STK3: variants seen among roughly 807,000 people sequenced by gnomAD.
STK3 encodes serine/threonine kinase 3.
STK3 carries 41 observed loss-of-function variants against 58.0 expected under a neutral mutation model. The observed-to-expected ratio is 0.71, with a 90% CI of 0.55 to 0.92. The LOEUF (loss-of-function observed/expected upper bound fraction) is 0.92. Among genes scored for constraint, STK3 ranks in the 40% least tolerant of loss-of-function variants. STK3 has a pLI of 0.00. For missense variants in STK3, 479 were observed against 602.7 expected, an observed-to-expected ratio of 0.79 and a Z score of 2.15; for synonymous variants, 170 against 191.0, an observed-to-expected ratio of 0.89 and a Z score of 0.91.
rs536268747 is a variant in STK3 at position 98,756,253 on chromosome 8, G to C, written c.237-6863C>G. Among the ~76,000 whole-genome samples the C allele has an allele frequency of 2.6e-5, 4 of 152,128 alleles. No homozygotes were observed. In the East Asian group the frequency reaches 5.8e-4, roughly 22 times the overall value. On this transcript the variant is annotated intron_variant, in intron 3 of 10. Transcript: ENST00000419617. ...AGGACCTAATTTAGGACTCTCCAAGGGAATAATATTTAAGCTAAGATGCAA... is the reference window on the plus strand; with the variant it reads ...AGGACCTAATTTAGGACTCTCCAAGCGAATAATATTTAAGCTAAGATGCAA...
chr8:98,934,306 C>A (rs1421452577), intron 1 of STK3, among the ~76,000 whole-genome samples: 1 of 152,200 alleles, frequency 6.6e-6, no homozygotes, highest in African/African-American at 2.4e-5. Flanking sequence ...ACACCTAGTA[C>A]ATATCTGACA....
chr8:98,489,658 A>G (rs529262521), intron 10 of STK3, among the ~76,000 whole-genome samples: 1 of 152,230 alleles, frequency 6.6e-6, no homozygotes, highest in South Asian at 2.1e-4. Flanking sequence ...TTGTACCAAC[A>G]CCAAGATTCC....
intron 4 of STK3, among the ~76,000 whole-genome samples, chr8:98,711,358 C>CCCA (rs1358635694): frequency 3.9e-5 from 6 of 151,994 alleles, no homozygotes; most frequent in African/African-American, 1.4e-4. Context: ...GAAGTACGAA[C>CCCA]CCAGGCAAAG....
intron 6 of STK3, among the ~76,000 whole-genome samples, chr8:98,633,208 TAGA>T (rs1819386120): frequency 6.6e-6 from 1 of 152,128 alleles, no homozygotes; most frequent in Non-Finnish European, 1.5e-5. Flanking sequence ...AAGTAACACT[TAGA>T]AGAAGGCAGA....
chr8:98,928,298 A>C (rs747870752), intron 1 of STK3, among the ~76,000 whole-genome samples: 15 of 152,272 alleles, frequency 9.9e-5, no homozygotes, highest in Non-Finnish European at 2.1e-4. Context: ...CCTCACCAGG[A>C]GAAAATGTTT....
At chr8:98,394,114 C>T (rs1817874279) in intron 3 of STK3, among the ~76,000 whole-genome samples, 1 of 152,038 alleles carries the variant, frequency 6.6e-6, no homozygotes, top group Non-Finnish European at 1.5e-5. Context: ...TTGCTGTAGT[C>T]TCAGAACTCT....
rs1445050780 is a variant in STK3 at position 98,732,702 on chromosome 8, G to A, written c.351+16574C>T. ...GAGTCAAGTGAAAAGAAATTCTAAGGATACGGCTATAAAACAGACCTCAAA... is the reference window on the plus strand; with the variant it reads ...GAGTCAAGTGAAAAGAAATTCTAAGAATACGGCTATAAAACAGACCTCAAA... On this transcript the variant is annotated intron_variant, in intron 4 of 10. Coordinates refer to ENST00000419617, the MANE Select transcript of STK3 (RefSeq NM_006281.4). Among the ~76,000 whole-genome samples the A allele has an allele frequency of 2.6e-5, 4 of 151,880 alleles. No homozygotes were observed. In the East Asian group the frequency reaches 7.7e-4, roughly 29 times the overall value.
rs917096166 is a variant in STK3, at chr8:98,620,521, A to G, written c.685-24352T>C. ...AAATAAAAAGGTCAACATCAAAAAAAAAAAGAAGATGTCTCAAGGGAAATT... is the reference window on the plus strand; with the variant it reads ...AAATAAAAAGGTCAACATCAAAAAAGAAAAGAAGATGTCTCAAGGGAAATT... On this transcript the variant is annotated intron_variant, in intron 6 of 10. Transcript: ENST00000419617. Among the ~76,000 whole-genome samples the G allele has an allele frequency of 8.0e-5, 12 of 150,928 alleles. 1 individual carries two copies. The highest frequency in any genetic ancestry group is 2.9e-4 in the African/African-American group (12 of 41,308).
At chr8:98,810,782 G>A (rs142113325) in intron 1 of STK3, among the ~76,000 whole-genome samples, 2 of 152,164 alleles carry the variant, frequency 1.3e-5, no homozygotes, top group African/African-American at 2.4e-5. Flanking sequence ...GGGCCTAGTA[G>A]GAAGTGTTTG....
intron 3 of STK3, among the ~76,000 whole-genome samples, chr8:98,752,046 A>G (rs1175597194): frequency 6.6e-6 from 1 of 152,182 alleles, no homozygotes; most frequent in Non-Finnish European, 1.5e-5. Context: ...ATTCAATGCT[A>G]TTCTTACTAA....
intron 1 of STK3, among the ~76,000 whole-genome samples, chr8:98,887,673 GT>G (rs1407930122): frequency 6.6e-6 from 1 of 152,074 alleles, no homozygotes; most frequent in Non-Finnish European, 1.5e-5. Flanking sequence ...GGAGATGACT[GT>G]AAAAATATAG....
intron 9 of STK3, among the ~76,000 whole-genome samples, chr8:98,542,965 G>T (rs376508962): frequency 2.6e-5 from 4 of 152,264 alleles, no homozygotes; most frequent in African/African-American, 9.6e-5. Flanking sequence ...GCTAGGTATT[G>T]TATTAGGTAT....
intron 2 of STK3, among the ~76,000 whole-genome samples, chr8:98,373,715 G>C (rs771527961): frequency 5.9e-5 from 9 of 152,150 alleles, no homozygotes; most frequent in Non-Finnish European, 1.3e-4. Flanking sequence ...AGACACAAAA[G>C]GTAATATCTG....
chr8:98,861,688 C>T (rs915593275), intron 3 of STK3, among the ~76,000 whole-genome samples: 3 of 152,242 alleles, frequency 2.0e-5, no homozygotes, highest in South Asian at 2.1e-4. Context: ...GTCTCTGTTA[C>T]GAGAGAATGG....
chr8:98,651,477 C>A (rs559272947), intron 6 of STK3: 6 of 152,302 alleles, frequency 3.9e-5, no homozygotes, highest in African/African-American at 1.2e-4. Context: ...AGCAACGGAA[C>A]AAAGCTGGAC....
At chr8:98,604,573 A>G (rs990683630) in intron 6 of STK3, among the ~76,000 whole-genome samples, 12 of 152,142 alleles carry the variant, frequency 7.9e-5, no homozygotes, top group African/African-American at 2.9e-4. Flanking sequence ...GTTCTCATGA[A>G]AGCTACAGCC....
chr8:98,579,041 C>T (rs1217390731), intron 8 of STK3, among the ~76,000 whole-genome samples: 1 of 152,042 alleles, frequency 6.6e-6, no homozygotes, highest in Admixed American at 6.6e-5. Context: ...GTCCCAGATA[C>T]TCATGAGGCT....
intron 10 of STK3, among the ~76,000 whole-genome samples, chr8:98,502,017 T>C (rs1348406104): frequency 4.6e-5 from 7 of 152,254 alleles, no homozygotes; most frequent in Admixed American, 1.3e-4. Flanking sequence ...TTTCACAATA[T>C]TGATGCCTCC....
At chr8:98,564,609 CAGA>C (rs759658838) in intron 8 of STK3, among the ~76,000 whole-genome samples, 1 of 152,180 alleles carries the variant, frequency 6.6e-6, no homozygotes, top group Non-Finnish European at 1.5e-5. Flanking sequence ...TTCAAAATGG[CAGA>C]AGATTTTGAA....
Sources: gnomAD v4.1 joint callset for allele counts (sites outside exome capture counted in the v4.1 genomes callset) on GRCh38, gnomAD v4.1.1 for gene constraint, MANE v1.5 for transcripts, NCBI Gene and HGNC (gene_info 2026-07-23, HGNC 2026-07-21) for gene names.